PARD3: variants seen among roughly 807,000 people sequenced by gnomAD.
PARD3 encodes the protein par-3 family cell polarity regulator, also known as partitioning defective 3 homolog.
In PARD3, 75 loss-of-function variants were observed where a neutral mutation model predicts 155.4. The ratio of observed to expected loss-of-function variants is 0.48; its 90% CI spans 0.40 to 0.58. PARD3 has a LOEUF of 0.58. PARD3 is among the 20% of genes least tolerant of loss of function. The probability of loss-of-function intolerance (pLI) is 0.00; values close to 1 mark genes in which losing one functional copy is unlikely to be tolerated. For missense variants in PARD3, 1,642 were observed against 1,721.7 expected (o/e 0.95, Z 0.82); for synonymous variants, 576 against 610.5 (o/e 0.94, Z 0.83).
Position 34,814,995 on chromosome 10 carries a change from T to TGCCGCC in PARD3, c.-6_-1dup, listed in dbSNP as rs747649647. 6.7e-7 allele frequency: 1 copy of TGCCGCC among 1,484,502 alleles called. No homozygotes were observed. Among genetic ancestry groups the TGCCGCC allele is most frequent in the African/African-American group, 1.5e-5 (1 of 68,220 alleles). The allele number at this position is 1,484,502 out of a possible 1,614,324, so 92.0% of individuals were successfully genotyped here. A position where few individuals can be genotyped will look rare whatever the true frequency, so the allele number is the denominator to read the frequency against. On this transcript the variant is annotated 5_prime_UTR_variant, in exon 1 of 25. Transcript: ENST00000374788. ...CGTCCGAAGCACACGGTCACTTTCA[T>TGCCGCC]GCCGCCGCCGCCGCGGGCGGGCCCG... is the stretch of plus-strand genomic sequence containing the variant.
At chr10:34,745,237 C>A (rs1238246742) in intron 1 of PARD3, among the ~76,000 whole-genome samples, 1 of 152,060 alleles carries the variant, frequency 6.6e-6, no homozygotes, top group African/African-American at 2.4e-5. Flanking sequence ...GTAGCATGAG[C>A]CTGTAGTCCC....
chr10:34,433,471 T>C (rs924184037), intron 5 of PARD3, among the ~76,000 whole-genome samples: 24 of 152,200 alleles, frequency 1.6e-4, no homozygotes, highest in African/African-American at 5.5e-4. Context: ...AGGACATTAA[T>C]ACCAAAGTCT....
chr10:34,140,595 AG>A (rs1948136860), intron 22 of PARD3, among the ~76,000 whole-genome samples: 2 of 152,348 alleles, frequency 1.3e-5, no homozygotes, highest in African/African-American at 4.8e-5. Context: ...TCTATCTCTC[AG>A]GCTGGAAGAC....
chr10:34,629,547 A>G (rs1201036645), intron 2 of PARD3, among the ~76,000 whole-genome samples: 2 of 152,234 alleles, frequency 1.3e-5, no homozygotes, highest in Non-Finnish European at 2.9e-5. Context: ...AACTCAAGAA[A>G]GATCACTTCC....
At chr10:34,623,817 T>C (rs1167869062) in intron 2 of PARD3, among the ~76,000 whole-genome samples, 2 of 149,700 alleles carry the variant, frequency 1.3e-5, no homozygotes, top group Non-Finnish European at 3.0e-5. Context: ...CTGACTCTAC[T>C]AAAAATACAA....
At chr10:34,277,352 C>T (rs1955936947) in intron 21 of PARD3, among the ~76,000 whole-genome samples, 1 of 152,066 alleles carries the variant, frequency 6.6e-6, no homozygotes, top group African/African-American at 2.4e-5. Flanking sequence ...TTTGGGTGAT[C>T]CTCCCCCTGC....
intron 22 of PARD3, among the ~76,000 whole-genome samples, chr10:34,210,737 A>G (rs1176302657): frequency 6.6e-6 from 1 of 152,142 alleles, no homozygotes; most frequent in Admixed American, 6.5e-5. Flanking sequence ...CTTGGTTCTC[A>G]GGAAATAGGG....
chr10:34,294,321 A>T (rs1166984602), intron 20 of PARD3, among the ~76,000 whole-genome samples: 1 of 152,232 alleles, frequency 6.6e-6, no homozygotes, highest in African/African-American at 2.4e-5. Flanking sequence ...CGTTACAGCA[A>T]CGGAAACACC....
chr10:34,480,150 G>A (rs987904303), intron 3 of PARD3, among the ~76,000 whole-genome samples: 1 of 152,256 alleles, frequency 6.6e-6, no homozygotes, highest in African/African-American at 2.4e-5. Context: ...GCAGAGCACA[G>A]ATAGGTGTGG....
At chr10:34,587,069 A>G (rs1427599132) in intron 2 of PARD3, among the ~76,000 whole-genome samples, 1 of 152,218 alleles carries the variant, frequency 6.6e-6, no homozygotes, top group Admixed American at 6.5e-5. Context: ...TAGACATGGT[A>G]AATTAAGCAG....
chr10:34,713,649 C>G (rs1271924413), intron 1 of PARD3, among the ~76,000 whole-genome samples: 1 of 151,944 alleles, frequency 6.6e-6, no homozygotes, highest in Non-Finnish European at 1.5e-5. Flanking sequence ...ACCTGTAGTC[C>G]CAGCTGCTCA....
At chr10:34,593,047 A>G (rs1417694419) in intron 2 of PARD3, among the ~76,000 whole-genome samples, 1 of 152,244 alleles carries the variant, frequency 6.6e-6, no homozygotes, top group Non-Finnish European at 1.5e-5. Context: ...GTTAAGCTGT[A>G]ACATTGTAAA....
At chr10:34,370,602 A>C (rs1840486276) in intron 12 of PARD3, among the ~76,000 whole-genome samples, 1 of 152,058 alleles carries the variant, frequency 6.6e-6, no homozygotes, top group Non-Finnish European at 1.5e-5. Context: ...CCCTATCTTT[A>C]CTACTTAAAG....
intron 2 of PARD3, among the ~76,000 whole-genome samples, chr10:34,682,128 T>C (rs1043825934): frequency 2.0e-5 from 3 of 152,150 alleles, no homozygotes; most frequent in Non-Finnish European, 4.4e-5. Context: ...CTGTTGACAC[T>C]ACCCACAAGT....
Position 34,569,238 on chromosome 10 carries a change from C to G in PARD3, c.223-52079G>C, listed in dbSNP as rs1305585196. On this transcript the variant is annotated intron_variant, in intron 2 of 24. Transcript: ENST00000374788. ...TGTAGAGAAACGCAAAATCATTCAACAGAATAATGAGGGTTTGGGGAGGAA... is the reference window on the plus strand; with the variant it reads ...TGTAGAGAAACGCAAAATCATTCAAGAGAATAATGAGGGTTTGGGGAGGAA... 2.0e-5 allele frequency among the ~76,000 whole-genome samples: 3 copies of G among 152,124 alleles called. No homozygotes were observed. In the East Asian group the frequency reaches 5.8e-4, roughly 29 times the overall value.
chr10:34,156,915 T>G lies in PARD3; in HGVS notation c.3420-25332A>C, dbSNP rs569607563. Among the ~76,000 whole-genome samples, 5 of 152,330 alleles carry G rather than the reference T, an allele frequency of 3.3e-5. No individual in the cohort carries two copies. In the South Asian group the frequency reaches 1.0e-3, roughly 32 times the overall value. Reference sequence around the variant, plus strand: ...CCATGAAGGCTCATCCCACTCAATTTATTCCTGTTGGCATTCTTTCAGTGG... The same window carrying G: ...CCATGAAGGCTCATCCCACTCAATTGATTCCTGTTGGCATTCTTTCAGTGG... On this transcript the variant is annotated intron_variant, in intron 22 of 24. Coordinates refer to ENST00000374788, the MANE Select transcript of PARD3 (RefSeq NM_001184785.2).
intron 3 of PARD3, among the ~76,000 whole-genome samples, chr10:34,515,532 C>T (rs893752616): frequency 3.3e-5 from 5 of 152,136 alleles, no homozygotes; most frequent in African/African-American, 1.2e-4. Flanking sequence ...ACTTACGTAT[C>T]CCATCTTGAA....
chr10:34,316,975 T>G, intron 20 of PARD3, 132 bp downstream of exon 20: 1 of 671,662 alleles, frequency 1.5e-6, no homozygotes, highest in Non-Finnish European at 2.3e-6. Flanking sequence ...GCTCCAGCAT[T>G]CCTCCCAGTT....
At chr10:34,311,650 T>C (rs2134089786) in intron 20 of PARD3, among the ~76,000 whole-genome samples, 1 of 151,998 alleles carries the variant, frequency 6.6e-6, no homozygotes. Context: ...AACCTTGGGA[T>C]TACTATATGC....
Sources: gnomAD v4.1 joint callset for allele counts (sites outside exome capture counted in the v4.1 genomes callset) on GRCh38, gnomAD v4.1.1 for gene constraint, MANE v1.5 for transcripts, NCBI Gene and HGNC (gene_info 2026-07-23, HGNC 2026-07-21) for gene names.